SATB2: variants seen among roughly 807,000 people sequenced by gnomAD.
The protein encoded by SATB2 is SATB homeobox 2.
Under a neutral mutation model 73.4 loss-of-function variants are expected in SATB2, and 1 was observed. That is an observed-to-expected ratio of 0.01 (90% CI 0.00 to 0.06). The LOEUF (loss-of-function observed/expected upper bound fraction) is 0.06, where lower values mean the gene tolerates loss of function less well. Among genes scored for constraint, SATB2 ranks in the 10% least tolerant of loss-of-function variants. The probability of loss-of-function intolerance (pLI) is 1.00; values close to 1 mark genes in which losing one functional copy is unlikely to be tolerated. For missense variants in SATB2, 459 were observed against 945.8 expected, an observed-to-expected ratio of 0.49 and a Z score of 6.75; for synonymous variants, 397 against 367.0, an observed-to-expected ratio of 1.08 and a Z score of -0.93.
rs1033219261 is a variant in SATB2 at position 199,462,948 on chromosome 2, G to A, written c.-141+1888C>T. 1.3e-5 allele frequency among the ~76,000 whole-genome samples: 2 copies of A among 152,216 alleles called. No homozygotes were observed. Among genetic ancestry groups the A allele is most frequent in the African/African-American group, 4.8e-5 (2 of 41,462 alleles). ...CCCAGGAGCTGCCTCAGGCGAGGAC[G>A]GGGAGCTTTCTGCACTGGGCTTCCC... is the stretch of plus-strand genomic sequence containing the variant. On this transcript the variant is annotated intron_variant, in intron 1 of 11. Coordinates refer to the SATB2 transcript ENST00000260926. This position sits in a 1 kb window ranked among gnomAD's most constrained non-coding sequence, Gnocchi z 5.9.
chr2:199,293,776 C>T (rs187173369), intron 10 of SATB2, among the ~76,000 whole-genome samples: 81 of 152,196 alleles, frequency 5.3e-4, no homozygotes, highest in African/African-American at 1.8e-3. Context: ...TCACAAACCA[C>T]TGCCATGATT....
At chr2:199,335,566 T>C (rs560024921) in intron 7 of SATB2, among the ~76,000 whole-genome samples, 11 of 152,298 alleles carry the variant, frequency 7.2e-5, no homozygotes, top group African/African-American at 2.6e-4. Context: ...AATCTGCATA[T>C]TTTGCACTTA....
At chr2:199,336,948 C>A (rs1160061092) in intron 7 of SATB2, among the ~76,000 whole-genome samples, 1 of 152,114 alleles carries the variant, frequency 6.6e-6, no homozygotes, top group Non-Finnish European at 1.5e-5. Context: ...ATAGGGTCCC[C>A]TAGAGAGCTT....
At chr2:199,450,930 T>C (rs1692104549) in intron 2 of SATB2, among the ~76,000 whole-genome samples, 2 of 152,072 alleles carry the variant, frequency 1.3e-5, no homozygotes, top group East Asian at 1.9e-4. Context: ...TCTACAGAGA[T>C]AGATTGGTTA....
intron 7 of SATB2, chr2:199,347,379 T>C (rs1021137906): frequency 2.6e-5 from 4 of 152,196 alleles, no homozygotes; most frequent in Non-Finnish European, 5.9e-5. Context: ...TTGTTTTATG[T>C]CTTCAAATTA....
chr2:199,427,881 A>C (rs1408572067), intron 3 of SATB2, among the ~76,000 whole-genome samples: 1 of 152,160 alleles, frequency 6.6e-6, no homozygotes, highest in Non-Finnish European at 1.5e-5. Context: ...GTACATTGTA[A>C]AGAGATAGTA....
At chr2:199,425,855 C>T (rs1338380521) in intron 3 of SATB2, among the ~76,000 whole-genome samples, 1 of 152,176 alleles carries the variant, frequency 6.6e-6, no homozygotes, top group Non-Finnish European at 1.5e-5. Context: ...TCAGGTTTCA[C>T]TGTGTGCATA....
Position 199,272,217 on chromosome 2 carries a change from C to A in SATB2, c.2196G>T (p.Gln732His), listed in dbSNP as rs778160560. ...TGCCTAGTAGAAGTTCACATTATCT[C>A]TGGTCAATTTCGGCAGGTGCTGCCT... ...KSKAAPAEID[Q>H]R The change falls in exon 11 of 11, where the codon CAG (glutamine) becomes CAT (histidine). Residue 732 changes from glutamine to histidine, a missense_variant. Gln to His is a conservative substitution (Grantham distance 24, BLOSUM62 0). Around this residue, in one of 13 missense-constraint regions of SATB2, gnomAD observed 41 missense variants for 38.6 expected, o/e 1.06. Coordinates refer to ENST00000417098, the MANE Select transcript of SATB2 (RefSeq NM_001172509.2). The surrounding 1 kb of genome is among the most constrained non-coding windows in gnomAD (Gnocchi z 6.7). 4 of 1,614,030 alleles carry A rather than the reference C, an allele frequency of 2.5e-6. No homozygotes were observed. Among genetic ancestry groups the A allele is most frequent in the Non-Finnish European group, 3.4e-6 (4 of 1,179,952 alleles).
intron 3 of SATB2, among the ~76,000 whole-genome samples, chr2:199,428,645 T>C (rs1691405604): frequency 1.3e-5 from 2 of 152,212 alleles, no homozygotes; most frequent in South Asian, 4.1e-4. Context: ...CAAAAGTCTG[T>C]TATGAGAATT....
At chr2:199,431,128 C>T (rs1691489417) in intron 3 of SATB2, among the ~76,000 whole-genome samples, 1 of 152,126 alleles carries the variant, frequency 6.6e-6, no homozygotes, top group African/African-American at 2.4e-5. Flanking sequence ...AAAAACTACC[C>T]CCATAAAACT....
chr2:199,334,101 G>A (rs941795746), intron 7 of SATB2, among the ~76,000 whole-genome samples: 1 of 152,150 alleles, frequency 6.6e-6, no homozygotes, highest in Non-Finnish European at 1.5e-5. Context: ...AAAGGATATA[G>A]TAGGAAAGTG....
chr2:199,454,235 A>G (rs1692210591), intron 2 of SATB2, among the ~76,000 whole-genome samples: 1 of 152,170 alleles, frequency 6.6e-6, no homozygotes, highest in African/African-American at 2.4e-5. Context: ...AAATGTTTAC[A>G]GCTCCTTTCA....
intron 10 of SATB2, among the ~76,000 whole-genome samples, chr2:199,283,745 C>T (rs1692602551): frequency 6.6e-6 from 1 of 151,960 alleles, no homozygotes; most frequent in Admixed American, 6.5e-5. Flanking sequence ...AATGATGCCA[C>T]TTTCATTTAA....
At chr2:199,430,737 T>C (rs571519353) in intron 3 of SATB2, among the ~76,000 whole-genome samples, 53 of 152,192 alleles carry the variant, frequency 3.5e-4, no homozygotes, top group Non-Finnish European at 6.9e-4. Flanking sequence ...AAAAAGAAAC[T>C]GACTATCCTA....
At chr2:199,387,334 A>G (rs1689991978) in intron 3 of SATB2, among the ~76,000 whole-genome samples, 1 of 152,208 alleles carries the variant, frequency 6.6e-6, no homozygotes, top group Admixed American at 6.5e-5. Flanking sequence ...GAGCACGTCC[A>G]CAGTCACACA....
chr2:199,423,428 G>T lies in SATB2; in HGVS notation c.346+9910C>A, dbSNP rs142918137. 7.0e-3 allele frequency among the ~76,000 whole-genome samples: 1,069 copies of T among 152,096 alleles called. 17 individuals carry two copies. Among genetic ancestry groups the T allele is most frequent in the East Asian group, 0.04 (209 of 5,162 alleles). On this transcript the variant is annotated intron_variant, in intron 3 of 10. Transcript: ENST00000417098. Reference sequence around the variant, plus strand: ...CTTAGCTTTCCTTTCTGCAAAGTAAGAGTGGTAAAATTCAACCACCTATCT... The same window carrying T: ...CTTAGCTTTCCTTTCTGCAAAGTAATAGTGGTAAAATTCAACCACCTATCT...
intron 7 of SATB2, among the ~76,000 whole-genome samples, chr2:199,343,054 G>GTT (rs1688553187): frequency 6.6e-6 from 1 of 151,958 alleles, no homozygotes; most frequent in Non-Finnish European, 1.5e-5. Context: ...ACTGGGCAGG[G>GTT]TTTTCTTTTC....
chr2:199,308,990 G>T lies in SATB2; in HGVS notation c.1543-33C>A. On this transcript the variant is annotated intron_variant, in intron 9 of 10. Coordinates refer to ENST00000417098, the MANE Select transcript of SATB2 (RefSeq NM_001172509.2). The surrounding 1 kb of genome is among the most constrained non-coding windows in gnomAD (Gnocchi z 4.6). The stretch of plus-strand genomic sequence containing the variant: ...GAGAGGAGGTCGCTTGCATTAACCT[G>T]CAGAGTGTAGAGGAGCTGAGGGGGC... 2 of 1,578,116 alleles carry T rather than the reference G, an allele frequency of 1.3e-6. No individual in the cohort carries two copies. The highest frequency in any genetic ancestry group is 1.7e-6 in the Non-Finnish European group (2 of 1,148,750).
chr2:199,438,256 A>G (rs1691710615), intron 2 of SATB2, among the ~76,000 whole-genome samples: 1 of 152,250 alleles, frequency 6.6e-6, no homozygotes, highest in Non-Finnish European at 1.5e-5. Context: ...TGTGGCTTGT[A>G]TTAGTATCAG....
Sources: allele counts gnomAD v4.1 joint callset (sites outside exome capture counted in the v4.1 genomes callset), GRCh38; gene constraint gnomAD v4.1.1; regional missense constraint gnomAD v4.1.1; non-coding constraint Gnocchi (gnomAD v3.1); transcripts MANE v1.5; gene names NCBI Gene and HGNC (gene_info 2026-07-23, HGNC 2026-07-21).